The following DCC variants were observed in gnomAD, a reference collection of about 807,000 sequenced individuals.
The protein encoded by DCC is DCC netrin 1 receptor.
A neutral mutation model predicts 172.5 loss-of-function variants in DCC; 58 were observed. The observed-to-expected ratio is 0.34, with a 90% CI of 0.27 to 0.42. The LOEUF (loss-of-function observed/expected upper bound fraction) is 0.42, where lower values mean the gene tolerates loss of function less well. DCC is among the 10% of genes least tolerant of loss of function. DCC has a pLI of 1.00. For synonymous variants in DCC, 709 were observed against 644.5 expected (o/e 1.10, Z -1.52); for missense variants, 1,740 against 1,791.0 (o/e 0.97, Z 0.51).
At chr18:52,355,867 G>A (rs1984339507) in intron 1 of DCC, among the ~76,000 whole-genome samples, 1 of 152,154 alleles carries the variant, frequency 6.6e-6, no homozygotes, top group South Asian at 2.1e-4. Flanking sequence ...GAGGGATTGA[G>A]TCTGGTAGGT....
intron 7 of DCC, among the ~76,000 whole-genome samples, chr18:53,109,447 T>A (rs2043298498): frequency 6.6e-6 from 1 of 151,756 alleles, no homozygotes; most frequent in African/African-American, 2.4e-5. Flanking sequence ...TATAGTTTTC[T>A]GTGTGCAAGC....
intron 21 of DCC, among the ~76,000 whole-genome samples, chr18:53,419,928 A>G (rs1437387028): frequency 1.3e-5 from 2 of 152,066 alleles, no homozygotes; most frequent in African/African-American, 4.8e-5. Context: ...ATCTTGGCTC[A>G]CTGCAACCTC....
chr18:52,970,363 C>T (rs1486255903), intron 5 of DCC, among the ~76,000 whole-genome samples: 2 of 152,010 alleles, frequency 1.3e-5, no homozygotes, highest in African/African-American at 4.8e-5. Flanking sequence ...CTGTTATAAT[C>T]ATTTTGATTT....
At chr18:52,908,043 C>T (rs554906599) in intron 3 of DCC, among the ~76,000 whole-genome samples, 20 of 152,280 alleles carry the variant, frequency 1.3e-4, no homozygotes, top group Non-Finnish European at 2.1e-4. Context: ...CTTAGACGCT[C>T]TTGTGAGAAT....
intron 12 of DCC, among the ~76,000 whole-genome samples, chr18:53,223,153 T>C (rs1361477639): frequency 6.6e-6 from 1 of 152,138 alleles, no homozygotes; most frequent in Non-Finnish European, 1.5e-5. Flanking sequence ...TTTTTATTAA[T>C]GTAAATAGGA....
intron 12 of DCC, among the ~76,000 whole-genome samples, chr18:53,221,026 A>G (rs1158542413): frequency 6.6e-6 from 1 of 152,142 alleles, no homozygotes; most frequent in Non-Finnish European, 1.5e-5. Context: ...AGACTCCCTT[A>G]AGGATAAGAT....
At chr18:52,644,853 GAAGGAGAA>G (rs1281618896) in intron 1 of DCC, among the ~76,000 whole-genome samples, 1 of 150,792 alleles carries the variant, frequency 6.6e-6, no homozygotes, top group East Asian at 2.0e-4. Context: ...GGGAGGGAAG[GAAGGAGAA>G]AAAATAGAAA....
chr18:52,898,404 AGGC>A (rs1208668628), intron 2 of DCC, among the ~76,000 whole-genome samples: 1 of 152,162 alleles, frequency 6.6e-6, no homozygotes, highest in Non-Finnish European at 1.5e-5. Context: ...ACCTCCCTAG[AGGC>A]GGCAAGTCTT....
intron 9 of DCC, among the ~76,000 whole-genome samples, chr18:53,185,505 A>G (rs1598886004): frequency 1.3e-5 from 2 of 152,226 alleles, no homozygotes; most frequent in South Asian, 4.1e-4. Flanking sequence ...GTCAGTCACA[A>G]TAGCCCTATT....
intron 5 of DCC, among the ~76,000 whole-genome samples, chr18:53,032,532 T>C (rs1019368420): frequency 1.3e-5 from 2 of 152,210 alleles, no homozygotes; most frequent in Admixed American, 1.3e-4. Flanking sequence ...AAAAATTCTT[T>C]TAGGATTTAG....
At chr18:53,181,102 A>T (rs1163988459) in intron 9 of DCC, among the ~76,000 whole-genome samples, 1 of 152,208 alleles carries the variant, frequency 6.6e-6, no homozygotes, top group Non-Finnish European at 1.5e-5. Context: ...ACTCTTGAAA[A>T]ATTCCTTAAA....
At chr18:52,638,868 A>G (rs2034835632) in intron 1 of DCC, among the ~76,000 whole-genome samples, 1 of 152,166 alleles carries the variant, frequency 6.6e-6, no homozygotes, top group Non-Finnish European at 1.5e-5. Context: ...TAACAGATGT[A>G]TACAGAACAT....
intron 2 of DCC, among the ~76,000 whole-genome samples, chr18:52,850,375 G>A (rs2038956737): frequency 6.6e-6 from 1 of 152,086 alleles, no homozygotes; most frequent in East Asian, 1.9e-4. Context: ...ATGCATTGAA[G>A]TCTCTCCCCC....
intron 1 of DCC, among the ~76,000 whole-genome samples, chr18:52,392,809 C>T (rs1986079746): frequency 1.3e-5 from 2 of 152,006 alleles, no homozygotes; most frequent in African/African-American, 4.8e-5. Flanking sequence ...TATGGAAAGA[C>T]CATAAAGTTG....
intron 12 of DCC, among the ~76,000 whole-genome samples, chr18:53,262,798 A>G (rs1415885488): frequency 6.6e-6 from 1 of 152,250 alleles, no homozygotes; most frequent in Non-Finnish European, 1.5e-5. Context: ...GCATCTTCAA[A>G]AGGCCAATAA....
At chr18:53,183,409 C>A (rs2055228460) in intron 9 of DCC, among the ~76,000 whole-genome samples, 1 of 152,130 alleles carries the variant, frequency 6.6e-6, no homozygotes, top group Admixed American at 6.5e-5. Context: ...ATATTATCAG[C>A]CAGGATTTAA....
intron 5 of DCC, among the ~76,000 whole-genome samples, chr18:53,014,528 G>C (rs375163468): frequency 6.9e-6 from 1 of 145,878 alleles, no homozygotes; most frequent in Non-Finnish European, 1.5e-5. Flanking sequence ...CTATGAGTGA[G>C]AACATGCAGT....
intron 1 of DCC, among the ~76,000 whole-genome samples, chr18:52,723,721 C>A (rs965411246): frequency 2.6e-5 from 4 of 152,020 alleles, no homozygotes; most frequent in Non-Finnish European, 5.9e-5. Context: ...AGGGGCCCAG[C>A]CAAGTAGACT....
At chr18:52,460,112 A>G (rs1198773342) in intron 1 of DCC, among the ~76,000 whole-genome samples, 1 of 151,336 alleles carries the variant, frequency 6.6e-6, no homozygotes, top group Non-Finnish European at 1.5e-5. Context: ...TCAAAATCAC[A>G]CTCCTTTGTT....
Sources: gnomAD v4.1 joint callset for allele counts (sites outside exome capture counted in the v4.1 genomes callset) on GRCh38, gnomAD v4.1.1 for gene constraint, MANE v1.5 for transcripts, NCBI Gene and HGNC (gene_info 2026-07-23, HGNC 2026-07-21) for gene names.